The following GCA variants were observed in gnomAD, a reference collection of about 807,000 sequenced individuals.
GCA encodes the protein grancalcin, EF-hand calcium-binding protein.
GCA carries 30 observed loss-of-function variants against 32.6 expected under a neutral mutation model. The observed-to-expected ratio is 0.92, with a 90% CI of 0.69 to 1.25. The LOEUF is 1.25. Among genes scored for constraint, GCA ranks in the 50% most tolerant of loss-of-function variants. GCA has a pLI of 0.00. For synonymous variants in GCA, 102 were observed against 84.6 expected, an observed-to-expected ratio of 1.21 and a Z score of -1.13; for missense variants, 291 against 266.8, an observed-to-expected ratio of 1.09 and a Z score of -0.63.
chr2:162,366,648 G>A (rs1685758828), downstream of GCA, among the ~76,000 whole-genome samples: 1 of 151,896 alleles, frequency 6.6e-6, no homozygotes, highest in South Asian at 2.1e-4. Flanking sequence ...TTGTAAAGTG[G>A]TTTAACATCA....
chr2:162,360,094 G>T (rs78747092), intron 7 of GCA, 123 bp from the exon 8 acceptor site: 6 of 618,334 alleles, frequency 9.7e-6, no homozygotes. Context: ...TTATTGGCTT[G>T]AATTATAAGC....
At chr2:162,320,349 T>A (rs1166893747) in intron 1 of GCA, among the ~76,000 whole-genome samples, 3 of 152,230 alleles carry the variant, frequency 2.0e-5, no homozygotes, top group Non-Finnish European at 4.4e-5. Context: ...ATTGGGTCTA[T>A]GAAAATATCT....
At position 162,355,157 on chromosome 2, in the gene GCA, G is replaced by C. The variant is rs1054099200; in HGVS notation, c.263-1281G>C. ...CTTAGCTTTGTAAACGTGGGGAACT[G>C]CCTTTCTGGGTCCCAGTTTCTTCCT... On this transcript the variant is annotated intron_variant, in intron 3 of 7. Transcript: ENST00000437150. 8.5e-5 allele frequency among the ~76,000 whole-genome samples: 13 copies of C among 152,216 alleles called. No homozygotes were observed. In the South Asian group the frequency reaches 2.5e-3, roughly 29 times the overall value.
At chr2:162,355,969 A>T (rs1040831816) in intron 3 of GCA, among the ~76,000 whole-genome samples, 45 of 152,006 alleles carry the variant, frequency 3.0e-4, no homozygotes, top group Admixed American at 1.6e-3. Context: ...TTTTGGGGGT[A>T]GTATTCAAAA....
chr2:162,338,432 C>G (rs1017738454), intron 1 of GCA, among the ~76,000 whole-genome samples: 2 of 152,106 alleles, frequency 1.3e-5, no homozygotes, highest in Non-Finnish European at 2.9e-5. Context: ...AGTTACTAAC[C>G]AATGGGATAA....
At chr2:162,318,969 G>A, upstream of GCA, 4 of 343,626 alleles carry the variant, frequency 1.2e-5, no homozygotes, top group South Asian at 8.6e-5. Flanking sequence ...GGGCATAAAA[G>A]CATGTGATTT....
At chr2:162,359,686 T>A in intron 7 of GCA, 134 bp downstream of exon 7, 1 of 442,808 alleles carries the variant, frequency 2.3e-6, no homozygotes, top group East Asian at 3.4e-5. Context: ...TATTTTTCAG[T>A]GTAACACAAA....
intron 1 of GCA, among the ~76,000 whole-genome samples, chr2:162,335,852 A>G (rs553231680): frequency 6.6e-6 from 1 of 152,336 alleles, no homozygotes; most frequent in African/African-American, 2.4e-5. Flanking sequence ...AGTTTCTTCC[A>G]GAGTTAGCAT....
downstream of GCA, among the ~76,000 whole-genome samples, chr2:162,372,390 C>A (rs187800066): frequency 2.0e-5 from 3 of 151,664 alleles, no homozygotes; most frequent in South Asian, 2.1e-4. Context: ...GAATTAAATT[C>A]GAAATTTAAG....
chr2:162,371,328 A>G, exon 5 of GCA: 2 of 1,288,666 alleles, frequency 1.6e-6, no homozygotes, highest in Non-Finnish European at 2.0e-6. Context: ...AACGTAATTA[A>G]CTTTGAACAT....
At chr2:162,346,923 A>G (rs1358427624) in intron 1 of GCA, among the ~76,000 whole-genome samples, 1 of 152,322 alleles carries the variant, frequency 6.6e-6, no homozygotes, top group Admixed American at 6.5e-5. Context: ...TATAAACTGT[A>G]ATAAGTCACA....
intron 4 of GCA, among the ~76,000 whole-genome samples, chr2:162,369,648 A>C (rs1685861517): frequency 6.6e-6 from 1 of 152,070 alleles, no homozygotes; most frequent in African/African-American, 2.4e-5. Context: ...CTCACCTGCC[A>C]AATCCTCTCT....
intron 1 of GCA, among the ~76,000 whole-genome samples, chr2:162,329,572 A>T (rs1426482652): frequency 6.6e-6 from 1 of 151,538 alleles, no homozygotes; most frequent in Non-Finnish European, 1.5e-5. Context: ...TGTACATGTG[A>T]AGATTTTCTA....
At chr2:162,321,909 T>C (rs201882487) in intron 1 of GCA, among the ~76,000 whole-genome samples, 1 of 108,144 alleles carries the variant, frequency 9.2e-6, no homozygotes, top group Admixed American at 1.1e-4. Context: ...TATATATATA[T>C]ATATATATAT....
At chr2:162,331,135 A>G (rs76947560) in intron 1 of GCA, among the ~76,000 whole-genome samples, 8,404 of 152,260 alleles carry the variant, frequency 0.055, 795 homozygotes, top group African/African-American at 0.19. Context: ...CTAACAAAGA[A>G]CACAAAAATG....
At chr2:162,367,257 G>A (rs1279520767), downstream of GCA, among the ~76,000 whole-genome samples, 1 of 151,906 alleles carries the variant, frequency 6.6e-6, no homozygotes, top group African/African-American at 2.4e-5. Flanking sequence ...AGCTTAGCCA[G>A]TTTAAGACTG....
At chr2:162,334,972 A>T (rs1321341567) in intron 1 of GCA, among the ~76,000 whole-genome samples, 1 of 152,020 alleles carries the variant, frequency 6.6e-6, no homozygotes, top group Non-Finnish European at 1.5e-5. Context: ...GTTTTTGGTA[A>T]AACTGCTCCT....
chr2:162,335,784 C>G (rs1180506619), intron 1 of GCA, among the ~76,000 whole-genome samples: 2 of 152,202 alleles, frequency 1.3e-5, no homozygotes, highest in African/African-American at 4.8e-5. Context: ...ATTCCAATGT[C>G]ATACTGTCAA....
At chr2:162,343,935 A>G (rs1344754527), upstream of GCA, among the ~76,000 whole-genome samples, 1 of 152,300 alleles carries the variant, frequency 6.6e-6, no homozygotes, top group African/African-American at 2.4e-5. Context: ...TGAGGGAGCC[A>G]GTAAGAGTCG....
Sources: allele counts gnomAD v4.1 joint callset (sites outside exome capture counted in the v4.1 genomes callset), GRCh38; gene constraint gnomAD v4.1.1; transcripts MANE v1.5; gene names NCBI Gene and HGNC (gene_info 2026-07-23, HGNC 2026-07-21).